The following RREB1 variants were observed in gnomAD, a reference collection of about 807,000 sequenced individuals.
RREB1 encodes the protein ras-responsive element-binding protein 1.
RREB1 carries 27 observed loss-of-function variants against 117.8 expected under a neutral mutation model. That is an observed-to-expected ratio of 0.23 (90% CI 0.17 to 0.32). RREB1 has a LOEUF of 0.32. Ranked by LOEUF, RREB1 falls within the 10% of genes least tolerant of loss-of-function variation. RREB1 has a pLI of 1.00. For synonymous variants in RREB1, 1,298 were observed against 1,026.7 expected (o/e 1.26, Z -5.05); for missense variants, 2,577 against 2,378.2 (o/e 1.08, Z -1.74).
intron 1 of RREB1, among the ~76,000 whole-genome samples, chr6:7,132,864 G>A (rs1162132705): frequency 1.3e-5 from 2 of 152,124 alleles, no homozygotes; most frequent in Non-Finnish European, 2.9e-5. Flanking sequence ...TTTTCTGCAT[G>A]TGCCCTCATT....
chr6:7,161,123 G>C (rs1763642258), intron 1 of RREB1, among the ~76,000 whole-genome samples: 3 of 152,142 alleles, frequency 2.0e-5, no homozygotes, highest in African/African-American at 7.2e-5. Flanking sequence ...GAGGCACAGT[G>C]TCCAGCCCAC....
intron 8 of RREB1, chr6:7,215,939 T>C (rs1766874759): frequency 9.4e-6 from 1 of 106,392 alleles, no homozygotes; most frequent in Non-Finnish European, 1.8e-5. Flanking sequence ...GAGCCATGTC[T>C]TGTGTGTGAA....
At chr6:7,237,942 G>A (rs116600343) in intron 10 of RREB1, among the ~76,000 whole-genome samples, 3 of 152,316 alleles carry the variant, frequency 2.0e-5, no homozygotes, top group African/African-American at 7.2e-5. Flanking sequence ...TCATGGGGAC[G>A]TCAGCCTGGC....
At chr6:7,168,111 C>G (rs759702739) in intron 1 of RREB1, among the ~76,000 whole-genome samples, 1 of 151,870 alleles carries the variant, frequency 6.6e-6, no homozygotes, top group Non-Finnish European at 1.5e-5. Flanking sequence ...CAAATTTAGC[C>G]GGGTGTGGTG....
At chr6:7,152,889 AAGAT>A (rs1309881843) in intron 1 of RREB1, among the ~76,000 whole-genome samples, 1 of 152,262 alleles carries the variant, frequency 6.6e-6, no homozygotes, top group Non-Finnish European at 1.5e-5. Flanking sequence ...ATCCCACTAA[AAGAT>A]AGCCCTCCAA....
chr6:7,229,236 C>G lies in RREB1; in HGVS notation c.1137C>G (p.Pro379=). The G allele has an allele frequency of 6.2e-7, 1 of 1,614,046 alleles. No homozygotes were observed. Among genetic ancestry groups the G allele is most frequent in the Non-Finnish European group, 8.5e-7 (1 of 1,179,988 alleles). ...ACACCAAAGACGTCAGGCCTGCCCC[C>G]GCCGAGGAGCCCCTGCCGGATGACA... The part of the protein sequence containing the change: ...LQHTKDVRPA[P]AEEPLPDDNQ... The change falls in exon 10 of 13, where the codon CCC becomes CCG. Residue 379 remains proline, a synonymous_variant. Transcript: ENST00000379938. The surrounding 1 kb of genome is among the most constrained non-coding windows in gnomAD (Gnocchi z 4.5).
intron 1 of RREB1, among the ~76,000 whole-genome samples, chr6:7,146,757 T>G (rs1008818077): frequency 2.6e-5 from 4 of 151,548 alleles, no homozygotes; most frequent in South Asian, 4.2e-4. Flanking sequence ...GTCGTGGCTT[T>G]CTTCTTTCTT....
rs766354041 is a variant in RREB1, at chr6:7,249,009, C to G, written c.*41C>G. On this transcript the variant is annotated 3_prime_UTR_variant, in exon 13 of 13. Transcript: ENST00000379938. ...TCAGCACAGACAAAAGCCAGCAGAG[C>G]AAAGCGTCTATACTTCATGGGGTTT... The G allele has an allele frequency of 1.5e-5, 21 of 1,416,452 alleles. No individual in the cohort carries two copies. The South Asian group carries it at 2.8e-4, about 19-fold the overall frequency. The allele number at this position is 1,416,452 out of a possible 1,614,324, so 87.7% of individuals were successfully genotyped here.
At chr6:7,239,903 A>T (rs1040059462) in intron 10 of RREB1, among the ~76,000 whole-genome samples, 3 of 152,214 alleles carry the variant, frequency 2.0e-5, no homozygotes, top group Admixed American at 1.3e-4. Flanking sequence ...CCCCTGTGGG[A>T]GGGACACAGC....
chr6:7,114,356 A>G (rs776581759), intron 1 of RREB1, among the ~76,000 whole-genome samples: 11 of 152,120 alleles, frequency 7.2e-5, no homozygotes, highest in Non-Finnish European at 1.6e-4. Context: ...TTTTAAGGAA[A>G]AAGCTGATGA....
rs1443415571 is a variant in RREB1, at chr6:7,241,290, C to T, written c.3973+688C>T. ...TTCCCTTATAGTTTCTGAATTTACT[C>T]ATGTCCTCTATCAGTACACTCCATC... On this transcript the variant is annotated intron_variant, in intron 11 of 12. Transcript: ENST00000379938. Among the ~76,000 whole-genome samples, 3 of 152,152 alleles carry T rather than the reference C, an allele frequency of 2.0e-5. No individual in the cohort carries two copies. The East Asian group carries it at 5.8e-4, about 29-fold the overall frequency.
At chr6:7,120,455 A>G (rs1233797630) in intron 1 of RREB1, among the ~76,000 whole-genome samples, 2 of 152,158 alleles carry the variant, frequency 1.3e-5, no homozygotes, top group Admixed American at 6.5e-5. Flanking sequence ...CCCCTTCTCA[A>G]AAAGAAAAAA....
At chr6:7,199,271 G>T (rs990837297) in intron 6 of RREB1, among the ~76,000 whole-genome samples, 9 of 152,170 alleles carry the variant, frequency 5.9e-5, no homozygotes, top group Admixed American at 5.2e-4. Context: ...CACAAAATCC[G>T]TTAGAAGGAT....
chr6:7,119,493 G>GT (rs1485825591), intron 1 of RREB1, among the ~76,000 whole-genome samples: 1 of 152,194 alleles, frequency 6.6e-6, no homozygotes, highest in Non-Finnish European at 1.5e-5. Context: ...CCTTGTGGAA[G>GT]TGACATTTGA....
At chr6:7,149,873 G>A (rs1763036122) in intron 1 of RREB1, among the ~76,000 whole-genome samples, 1 of 152,098 alleles carries the variant, frequency 6.6e-6, no homozygotes, top group Admixed American at 6.5e-5. Flanking sequence ...ATTTTTAGTA[G>A]AGACGGGGTT....
chr6:7,203,789 G>A (rs533653633), intron 6 of RREB1, among the ~76,000 whole-genome samples: 16 of 152,334 alleles, frequency 1.1e-4, no homozygotes, highest in African/African-American at 3.6e-4. Flanking sequence ...CCCTAGTATT[G>A]CAGGGAAAGT....
At chr6:7,160,919 C>T (rs942063738) in intron 1 of RREB1, among the ~76,000 whole-genome samples, 3 of 152,166 alleles carry the variant, frequency 2.0e-5, no homozygotes, top group Admixed American at 6.5e-5. Context: ...CTCCTGACCT[C>T]GTGATCCACC....
intron 1 of RREB1, among the ~76,000 whole-genome samples, chr6:7,124,921 A>G (rs1036666601): frequency 6.6e-6 from 1 of 152,214 alleles, no homozygotes; most frequent in African/African-American, 2.4e-5. Context: ...GACCTCTGGC[A>G]GACTACCTGT....
chr6:7,248,408 C>T, intron 12 of RREB1, 103 bp from the exon 13 acceptor site: 2 of 974,402 alleles, frequency 2.1e-6, no homozygotes, highest in Non-Finnish European at 3.1e-6. Flanking sequence ...GAGTCCTGGC[C>T]CCCCGCACAT....
Sources: gnomAD v4.1 joint callset for allele counts (sites outside exome capture counted in the v4.1 genomes callset) on GRCh38, gnomAD v4.1.1 for gene constraint, Gnocchi (gnomAD v3.1) non-coding constraint, MANE v1.5 for transcripts, NCBI Gene and HGNC (gene_info 2026-07-23, HGNC 2026-07-21) for gene names.